Variants in NLRP7 observed in about 807,000 individuals in gnomAD.
NLRP7 encodes NACHT, LRR and PYD domains-containing protein 7.
A neutral mutation model predicts 85.5 loss-of-function variants in NLRP7; 72 were observed. That is an observed-to-expected ratio of 0.84 (90% CI 0.70 to 1.02). The LOEUF is 1.02. NLRP7 is among the 50% of genes least tolerant of loss of function. The pLI is 0.00. For synonymous variants in NLRP7, 550 were observed against 505.2 expected (o/e 1.09, Z -1.19); for missense variants, 1,243 against 1,219.5 (o/e 1.02, Z -0.29).
At chr19:54,952,655 T>C (rs575464916) in intron 1 of NLRP7, among the ~76,000 whole-genome samples, 1 of 151,482 alleles carries the variant, frequency 6.6e-6, no homozygotes, top group East Asian at 1.9e-4. Flanking sequence ...TTTCCTCCCA[T>C]CTCCTCATTC....
rs1023537749 is a variant in NLRP7, at chr19:54,934,257, A to G, written c.2471+232T>C. Among the ~76,000 whole-genome samples the G allele has an allele frequency of 2.6e-5, 4 of 151,960 alleles. No homozygotes were observed. The highest frequency in any genetic ancestry group is 9.7e-5 in the African/African-American group (4 of 41,366). ...CACCCGGCCTGTTTTTGGTATTTTTAATAGAAACAGGGTTTCACCATGTTG... is the reference window on the plus strand; with the variant it reads ...CACCCGGCCTGTTTTTGGTATTTTTGATAGAAACAGGGTTTCACCATGTTG... On this transcript the variant is annotated intron_variant, in intron 7 of 9. Transcript: ENST00000340844. The surrounding 1 kb of genome is among the most constrained non-coding windows in gnomAD (Gnocchi z 6.7).
chr19:54,945,574 A>AT (rs1297186090), intron 1 of NLRP7, among the ~76,000 whole-genome samples: 1 of 150,730 alleles, frequency 6.6e-6, no homozygotes, highest in Admixed American at 6.6e-5. Context: ...CTGGCCAAGT[A>AT]TTTTTTTTCC....
Position 54,934,166 on chromosome 19 carries a change from C to T in NLRP7, c.2471+323G>A, listed in dbSNP as rs562688911. Among the ~76,000 whole-genome samples the T allele has an allele frequency of 2.0e-5, 3 of 152,330 alleles. No homozygotes were observed. The East Asian group carries it at 5.8e-4, about 29-fold the overall frequency. ...CCATGTTAGCCAGGATGGTCTCGAT[C>T]TCTTGACCTCGTGATCTCCCCGCCT... On this transcript the variant is annotated intron_variant, in intron 7 of 9. Transcript: ENST00000340844. The surrounding 1 kb of genome is among the most constrained non-coding windows in gnomAD (Gnocchi z 6.7).
intron 6 of NLRP7, 95 bp downstream of exon 6, chr19:54,936,166 C>T (rs771556433): frequency 3.5e-5 from 37 of 1,063,340 alleles, no homozygotes; most frequent in African/African-American, 6.2e-5. Flanking sequence ...CTGTCTGGGA[C>T]GGCATCTGGA....
chr19:54,945,851 G>A lies in NLRP7; in HGVS notation c.-40+1618C>T, dbSNP rs554829036. On this transcript the variant is annotated intron_variant, in intron 1 of 9. Transcript: ENST00000340844. ...GTCACCCAGGCTGGAGTGCAGTGGCGCGATCTGGGCTCACTGCAAGCTCCG... is the reference window on the plus strand; with the variant it reads ...GTCACCCAGGCTGGAGTGCAGTGGCACGATCTGGGCTCACTGCAAGCTCCG... Among the ~76,000 whole-genome samples, 7 of 151,622 alleles carry A rather than the reference G, an allele frequency of 4.6e-5. No homozygotes were observed. In the South Asian group the frequency reaches 1.5e-3, roughly 32 times the overall value.
intron 1 of NLRP7, among the ~76,000 whole-genome samples, chr19:54,959,351 C>A (rs1458222095): frequency 6.0e-5 from 9 of 150,152 alleles, no homozygotes; most frequent in Non-Finnish European, 1.2e-4. Context: ...GTTGGCCAGG[C>A]TGGTCTCAAA....
rs1264241590 is a variant in NLRP7, at chr19:54,936,538, T to C, written c.2130-107A>G. ...CACATTTAGAAATTATTAGAAGTTC[T>C]TGGCCGGGTGCAGTGGCTCGTGTCT... On this transcript the variant is annotated intron_variant, in intron 5 of 9. Coordinates refer to ENST00000340844, the Ensembl canonical transcript of NLRP7. The C allele has an allele frequency of 7.9e-6, 8 of 1,014,082 alleles. No homozygotes were observed. In the East Asian group the frequency reaches 9.6e-5, roughly 12 times the overall value. 62.8% of individuals were successfully genotyped at this position (1,014,082 alleles called of 1,614,324 possible).
Position 54,939,297 on chromosome 19 carries a change from C to A in NLRP7, c.1522G>T (p.Glu508Ter). Reference sequence around the variant, plus strand: ...ATCAGGTCGGGGTTCTTGAGTCTTTCTTCTCCGGAAAGCAGCTTCTGTACG... The same window carrying A: ...ATCAGGTCGGGGTTCTTGAGTCTTTATTCTCCGGAAAGCAGCTTCTGTACG... Residue 508 changes from glutamate (E) to a stop codon, truncating the protein, a stop_gained, in exon 4 of 10, where the codon GAA becomes TAA. Transcript: ENST00000340844. LOFTEE classifies it high-confidence loss of function. The A allele has an allele frequency of 6.2e-7, 1 of 1,614,116 alleles. No individual in the cohort carries two copies. The highest frequency in any genetic ancestry group is 1.1e-5 in the South Asian group (1 of 91,086).
chr19:54,944,616 C>A (rs1336547733), intron 1 of NLRP7, among the ~76,000 whole-genome samples: 2 of 152,060 alleles, frequency 1.3e-5, no homozygotes, highest in African/African-American at 4.8e-5. Context: ...TCTCTCGTCC[C>A]ACCTGACAAG....
At chr19:54,956,905 C>T (rs977256359) in intron 1 of NLRP7, among the ~76,000 whole-genome samples, 1 of 151,852 alleles carries the variant, frequency 6.6e-6, no homozygotes, top group Non-Finnish European at 1.5e-5. Flanking sequence ...GCTGGAATTA[C>T]AGGCGTGAAC....
At chr19:54,924,707 G>A (rs1295626193) in intron 9 of NLRP7, among the ~76,000 whole-genome samples, 3 of 151,890 alleles carry the variant, frequency 2.0e-5, no homozygotes, top group South Asian at 2.1e-4. Flanking sequence ...AGGCCGAGGC[G>A]GGCAGATCAC....
chr19:54,960,602 T>C (rs2070009381), intron 1 of NLRP7, among the ~76,000 whole-genome samples: 1 of 151,378 alleles, frequency 6.6e-6, no homozygotes, highest in African/African-American at 2.4e-5. Context: ...TTTATTTTTA[T>C]TTTTATTTTT....
At chr19:54,933,360 T>C (rs1040536720) in intron 8 of NLRP7, among the ~76,000 whole-genome samples, 3 of 152,192 alleles carry the variant, frequency 2.0e-5, no homozygotes, top group Admixed American at 6.6e-5. Flanking sequence ...TTAACCAGGA[T>C]GGTCTCCATC....
intron 9 of NLRP7, among the ~76,000 whole-genome samples, chr19:54,927,076 A>G (rs1333895319): frequency 4.1e-5 from 6 of 147,806 alleles, no homozygotes; most frequent in African/African-American, 1.5e-4. Flanking sequence ...GGCAACAGTG[A>G]GACTCCATCC....
chr19:54,963,142 TC>T (rs1230767572), intron 1 of NLRP7, among the ~76,000 whole-genome samples: 2 of 151,470 alleles, frequency 1.3e-5, no homozygotes, highest in African/African-American at 4.8e-5. Flanking sequence ...ACACCGGAAA[TC>T]CCAGCACTTT....
chr19:54,941,358 G>C (rs2069210736), intron 2 of NLRP7, 77 bp downstream of exon 2: 8 of 1,074,028 alleles, frequency 7.4e-6, no homozygotes, highest in Middle Eastern at 2.6e-4. Context: ...CTCCAGCCTG[G>C]GCGACAGAAC....
In NLRP7 at chr19:54,954,868, C is replaced by T. The variant is rs143497101; in HGVS notation, c.-76-7363G>A. Among the ~76,000 whole-genome samples, 1,381 of 151,352 alleles carry T rather than the reference C, an allele frequency of 9.1e-3. 15 individuals are homozygous for T. The highest frequency in any genetic ancestry group is 0.032 in the African/African-American group (1,303 of 41,258). On this transcript the variant is annotated intron_variant, in intron 1 of 2. Transcript: ENST00000587103. Reference sequence around the variant, plus strand: ...AACTCCATCTCAAAAAAAATAAGGGCAACTAGCAGCCCTATGGGCTGCTGT... The same window carrying T: ...AACTCCATCTCAAAAAAAATAAGGGTAACTAGCAGCCCTATGGGCTGCTGT...
chr19:54,952,586 T>TC (rs1390419251), intron 1 of NLRP7, among the ~76,000 whole-genome samples: 1 of 138,292 alleles, frequency 7.2e-6, no homozygotes, highest in Non-Finnish European at 1.6e-5. Flanking sequence ...AAAGCAAAAC[T>TC]CCATCTCAAA....
upstream of NLRP7, among the ~76,000 whole-genome samples, chr19:54,951,858 C>T (rs530776934): frequency 5.9e-5 from 9 of 152,004 alleles, no homozygotes; most frequent in African/African-American, 2.2e-4. Context: ...TCACACAATT[C>T]TCCTGCCTCA....
Sources: allele counts gnomAD v4.1 joint callset (sites outside exome capture counted in the v4.1 genomes callset), GRCh38; gene constraint gnomAD v4.1.1; non-coding constraint Gnocchi (gnomAD v3.1); transcripts MANE v1.5; gene names NCBI Gene and HGNC (gene_info 2026-07-23, HGNC 2026-07-21).